TMEM164: variants seen among roughly 807,000 people sequenced by gnomAD.
TMEM164 encodes the protein transmembrane protein 164.
Under a neutral mutation model 18.8 loss-of-function variants are expected in TMEM164, and 4 were observed. That is an observed-to-expected ratio of 0.21 (90% CI 0.10 to 0.49). The LOEUF is 0.49. Among genes scored for constraint, TMEM164 ranks in the 20% least tolerant of loss-of-function variants. The pLI is 0.98. For missense variants in TMEM164, 108 were observed against 239.9 expected (o/e 0.45, Z 3.63); for synonymous variants, 86 against 101.7 (o/e 0.85, Z 0.93).
intron 2 of TMEM164, among the ~76,000 whole-genome samples, chrX:110,010,659 A>C (rs1312158423): frequency 9.0e-6 from 1 of 111,553 alleles, no homozygotes; most frequent in Non-Finnish European, 1.9e-5. Flanking sequence ...ATTAGGTGGG[A>C]AGTTGGTTTC....
chrX:110,156,478 G>GT (rs1466414734), intron 5 of TMEM164, among the ~76,000 whole-genome samples: 2 of 111,075 alleles, frequency 1.8e-5, no homozygotes, highest in Admixed American at 9.6e-5. Context: ...AAGGATGCGG[G>GT]TAAAATCCGT....
rs5942628 is a variant in TMEM164 at position 110,126,350 on chromosome X, C to G, written c.507+17204C>G. Among the ~76,000 whole-genome samples the G allele has an allele frequency of 2.8e-3, 310 of 110,772 alleles. 1 individual carries two copies. Among genetic ancestry groups the G allele is most frequent in the Non-Finnish European group, 5.0e-3 (264 of 52,785 alleles). ...AGTCTCAAAGCAGGAGGAACACCCA[C>G]CTCTGGACTCACAGCATCTCCTGCT... On this transcript the variant is annotated intron_variant, in intron 4 of 6. Transcript: ENST00000372068.
At chrX:110,045,563 T>A (rs1409178439) in intron 2 of TMEM164, among the ~76,000 whole-genome samples, 1 of 112,021 alleles carries the variant, frequency 8.9e-6, no homozygotes, top group Non-Finnish European at 1.9e-5. Context: ...CCTGCCTCCC[T>A]GGCTTAGGTT....
chrX:110,009,865 C>T (rs968299053), intron 2 of TMEM164, among the ~76,000 whole-genome samples: 8 of 109,872 alleles, frequency 7.3e-5, no homozygotes, highest in African/African-American at 1.3e-4. Context: ...TGGTGGCACG[C>T]GCCTGTAGTC....
intron 4 of TMEM164, among the ~76,000 whole-genome samples, chrX:110,139,551 C>A (rs1036016365): frequency 8.9e-6 from 1 of 111,830 alleles, no homozygotes; most frequent in African/African-American, 3.3e-5. Context: ...GAAAGTCTGG[C>A]ACTAAGTTTG....
chrX:110,065,549 G>A (rs975915232), intron 2 of TMEM164: 9 of 111,605 alleles, frequency 8.1e-5, no homozygotes, highest in African/African-American at 2.9e-4. Context: ...GCTGGATCAA[G>A]GGTAAAAAAT....
chrX:110,183,721 C>T (rs5942630), downstream of TMEM164, among the ~76,000 whole-genome samples: 8,600 of 112,272 alleles, frequency 0.077, 285 homozygotes, highest in African/African-American at 0.11. Context: ...TTCACAGCTA[C>T]GTGGCCTCAG....
chrX:110,034,583 G>A (rs764049227), intron 2 of TMEM164, among the ~76,000 whole-genome samples: 5 of 111,868 alleles, frequency 4.5e-5, no homozygotes, highest in East Asian at 5.6e-4. Flanking sequence ...AGTGGGCCAC[G>A]TTTGGTTCGC....
At chrX:110,047,600 G>A (rs888134070) in intron 2 of TMEM164, among the ~76,000 whole-genome samples, 2 of 112,004 alleles carry the variant, frequency 1.8e-5, no homozygotes, top group South Asian at 3.7e-4. Context: ...TTAAGAGTCT[G>A]GCTATATAGT....
At chrX:110,135,605 T>C (rs1167531691) in intron 4 of TMEM164, among the ~76,000 whole-genome samples, 1 of 112,066 alleles carries the variant, frequency 8.9e-6, no homozygotes. Flanking sequence ...TTCTTCGGTG[T>C]ACTGTATCTT....
At chrX:110,141,195 C>T (rs2066765183) in intron 4 of TMEM164, among the ~76,000 whole-genome samples, 1 of 111,768 alleles carries the variant, frequency 8.9e-6, no homozygotes, top group Non-Finnish European at 1.9e-5. Context: ...TATTGATTGC[C>T]CTTTCCCCCT....
At chrX:110,114,072 G>A (rs759829362) in intron 4 of TMEM164, among the ~76,000 whole-genome samples, 13 of 111,647 alleles carry the variant, frequency 1.2e-4, no homozygotes, top group African/African-American at 4.2e-4. Context: ...GATAAATGAC[G>A]AGTTTCAGTA....
chrX:110,157,453 C>T (rs1232204399), intron 5 of TMEM164, among the ~76,000 whole-genome samples: 1 of 111,537 alleles, frequency 9.0e-6, no homozygotes, highest in Non-Finnish European at 1.9e-5. Flanking sequence ...CTCCCCCTCC[C>T]TTTCTCTCCT....
intron 2 of TMEM164, among the ~76,000 whole-genome samples, chrX:110,032,732 C>T (rs777903709): frequency 8.9e-6 from 1 of 111,854 alleles, no homozygotes; most frequent in Non-Finnish European, 1.9e-5. Flanking sequence ...TTGGCTGTCA[C>T]CCAGTGACTT....
intron 2 of TMEM164, among the ~76,000 whole-genome samples, chrX:110,060,210 T>G (rs1227936412): frequency 1.0e-5 from 1 of 99,559 alleles, no homozygotes; most frequent in African/African-American, 3.8e-5. Flanking sequence ...GAGGCTGCAG[T>G]GAGCCATGAT....
At chrX:110,095,889 C>T (rs1351979145) in intron 3 of TMEM164, among the ~76,000 whole-genome samples, 3 of 112,234 alleles carry the variant, frequency 2.7e-5, no homozygotes, top group Non-Finnish European at 3.8e-5. Flanking sequence ...TTCTGTTTGT[C>T]AGTTTTCCTT....
rs2148148564 is a variant in TMEM164, at chrX:110,177,016, TAG to T, written c.*3568_*3569del. On this transcript the variant is annotated 3_prime_UTR_variant, in exon 7 of 7. Transcript: ENST00000372068. ...CCCATCCTGCCCGCTTTGTGGCGGG[TAG>T]AGTCAGTGACAGGGAGGCAGCCCTC... 9.4e-6 allele frequency: 1 copy of T among 106,541 alleles called. No individual in the cohort carries two copies. Among genetic ancestry groups the T allele is most frequent in the South Asian group, 4.1e-4 (1 of 2,431 alleles). 8.8% of individuals were successfully genotyped at this position (106,541 alleles called of 1,213,427 possible).
intron 2 of TMEM164, among the ~76,000 whole-genome samples, chrX:110,041,282 G>T (rs1285852125): frequency 8.9e-6 from 1 of 112,048 alleles, no homozygotes; most frequent in African/African-American, 3.2e-5. Context: ...TACAGTGAAA[G>T]GAATTCTGAT....
chrX:110,047,277 T>C (rs774329996), intron 2 of TMEM164, among the ~76,000 whole-genome samples: 9 of 112,326 alleles, frequency 8.0e-5, no homozygotes, highest in African/African-American at 2.9e-4. Flanking sequence ...AAAATAGAGA[T>C]GCCAGCATGC....
Sources: allele counts gnomAD v4.1 joint callset (sites outside exome capture counted in the v4.1 genomes callset), GRCh38; gene constraint gnomAD v4.1.1; transcripts MANE v1.5; gene names NCBI Gene and HGNC (gene_info 2026-07-23, HGNC 2026-07-21).